The following DOCK1 variants were observed in gnomAD, a reference collection of about 807,000 sequenced individuals.
The protein encoded by DOCK1 is dedicator of cytokinesis 1.
In DOCK1, 138 loss-of-function variants were observed where a neutral mutation model predicts 262.7. The observed-to-expected ratio is 0.53, with a 90% CI of 0.46 to 0.61. The LOEUF is 0.61. Ranked by LOEUF, DOCK1 falls within the 20% of genes least tolerant of loss-of-function variation. The pLI is 0.00. For synonymous variants in DOCK1, 866 were observed against 867.4 expected, an observed-to-expected ratio of 1.00 and a Z score of 0.03; for missense variants, 1,908 against 2,370.7, an observed-to-expected ratio of 0.80 and a Z score of 4.05.
chr10:127,240,774 A>G (rs1042817960), intron 27 of DOCK1, among the ~76,000 whole-genome samples: 1 of 152,198 alleles, frequency 6.6e-6, no homozygotes, highest in Non-Finnish European at 1.5e-5. Context: ...ATGAAAACAC[A>G]TGTGTGAGAA....
intron 23 of DOCK1, among the ~76,000 whole-genome samples, chr10:127,085,022 A>G (rs2047114691): frequency 6.6e-6 from 1 of 152,158 alleles, no homozygotes; most frequent in East Asian, 1.9e-4. Context: ...GTTTTAGCCC[A>G]TTGTCTTCCC....
Position 126,999,606 on chromosome 10 carries a change from T to C in DOCK1, c.849+171T>C, listed in dbSNP as rs112242540. Among the ~76,000 whole-genome samples the C allele has an allele frequency of 2.4e-3, 370 of 152,340 alleles. 1 individual carries two copies. The highest frequency in any genetic ancestry group is 8.6e-3 in the African/African-American group (359 of 41,588). On this transcript the variant is annotated intron_variant, in intron 9 of 51. Transcript: ENST00000623213. ...CATTTCCAGAAATCATCTGAGTCTC[T>C]AGCCACCCTTAGAATCACCGTGACA...
At chr10:127,407,054 A>G (rs946453903) in intron 40 of DOCK1, among the ~76,000 whole-genome samples, 6 of 151,898 alleles carry the variant, frequency 4.0e-5, no homozygotes, top group African/African-American at 1.5e-4. Context: ...GGAGAAATAG[A>G]GCATTTTTCT....
At chr10:126,918,046 A>G (rs1187425524) in intron 1 of DOCK1, among the ~76,000 whole-genome samples, 1 of 152,156 alleles carries the variant, frequency 6.6e-6, no homozygotes, top group East Asian at 1.9e-4. Flanking sequence ...CTGCCTGCAA[A>G]GTGACCTGCC....
At chr10:127,301,173 C>T (rs1286286407) in intron 29 of DOCK1, among the ~76,000 whole-genome samples, 2 of 152,122 alleles carry the variant, frequency 1.3e-5, no homozygotes, top group African/African-American at 4.8e-5. Context: ...GGGCAGGCAT[C>T]GAGTCTCAGT....
chr10:127,209,896 G>T (rs552096496), intron 27 of DOCK1, among the ~76,000 whole-genome samples: 35 of 152,244 alleles, frequency 2.3e-4, no homozygotes, highest in African/African-American at 7.9e-4. Context: ...GAGACATTCC[G>T]TTGAGAGCCT....
chr10:126,963,497 A>T lies in DOCK1; in HGVS notation c.47-7205A>T, dbSNP rs1302781260. Among the ~76,000 whole-genome samples, 3 of 152,084 alleles carry T rather than the reference A, an allele frequency of 2.0e-5. No homozygotes were observed. In the East Asian group the frequency reaches 5.8e-4, roughly 30 times the overall value. ...AGACAATACTTTTAATAACACCATT[A>T]TAACCAGGCTCTAAGAAACTTCCTT... On this transcript the variant is annotated intron_variant, in intron 1 of 51. Transcript: ENST00000623213.
chr10:126,951,969 A>C (rs1354238753), intron 1 of DOCK1, among the ~76,000 whole-genome samples: 1 of 150,230 alleles, frequency 6.7e-6, no homozygotes, highest in African/African-American at 2.5e-5. Flanking sequence ...CCTGCCTCGG[A>C]CTCCTGAGTA....
intron 43 of DOCK1, among the ~76,000 whole-genome samples, chr10:127,414,350 A>G (rs1460013424): frequency 6.6e-6 from 1 of 152,212 alleles, no homozygotes; most frequent in African/African-American, 2.4e-5. Context: ...GACAGTACGA[A>G]CGAGGCAGTA....
At chr10:127,285,440 A>G (rs2135316879) in intron 29 of DOCK1, among the ~76,000 whole-genome samples, 1 of 152,346 alleles carries the variant, frequency 6.6e-6, no homozygotes, top group Middle Eastern at 3.4e-3. Context: ...TCCTCCATAA[A>G]TGGCCATCGC....
chr10:126,955,806 C>CCA (rs1351046956), intron 1 of DOCK1, among the ~76,000 whole-genome samples: 1 of 152,072 alleles, frequency 6.6e-6, no homozygotes, highest in African/African-American at 2.4e-5. Context: ...GGGCGGCTTA[C>CCA]CACACACTTT....
At chr10:127,025,449 C>T (rs908576394) in intron 15 of DOCK1, among the ~76,000 whole-genome samples, 19 of 152,088 alleles carry the variant, frequency 1.2e-4, no homozygotes, top group African/African-American at 4.3e-4. Context: ...AGAAAAACGG[C>T]AACTTTTCTT....
intron 25 of DOCK1, 36 bp from the exon 26 acceptor site, chr10:127,125,438 G>A (rs1199465401): frequency 1.2e-6 from 2 of 1,609,346 alleles, no homozygotes; most frequent in African/African-American, 2.7e-5. Context: ...GTCTTGGTGG[G>A]TTTCACACTG....
chr10:127,096,096 G>A (rs2047894622), intron 23 of DOCK1, among the ~76,000 whole-genome samples: 1 of 152,190 alleles, frequency 6.6e-6, no homozygotes, highest in South Asian at 2.1e-4. Context: ...TACATAAGAT[G>A]TAGGCAGTCC....
At chr10:127,306,458 C>G (rs1233216563) in intron 29 of DOCK1, among the ~76,000 whole-genome samples, 1 of 152,160 alleles carries the variant, frequency 6.6e-6, no homozygotes, top group African/African-American at 2.4e-5. Flanking sequence ...GTGCTGTGGC[C>G]ATGCCCTTGG....
chr10:126,989,074 A>G (rs1290697156), intron 5 of DOCK1, among the ~76,000 whole-genome samples: 2 of 148,366 alleles, frequency 1.3e-5, no homozygotes, highest in African/African-American at 5.0e-5. Flanking sequence ...CCCCTTCTCA[A>G]AAAAAAAAAA....
intron 28 of DOCK1, among the ~76,000 whole-genome samples, 174 bp from the exon 29 acceptor site, chr10:127,257,161 G>T (rs2059855308): frequency 6.6e-6 from 1 of 152,174 alleles, no homozygotes; most frequent in Non-Finnish European, 1.5e-5. Context: ...AGGTGCTCAG[G>T]TAAACAGAAA....
chr10:127,082,220 CCTT>C (rs1444523274), intron 23 of DOCK1, among the ~76,000 whole-genome samples: 3 of 152,174 alleles, frequency 2.0e-5, no homozygotes, highest in African/African-American at 4.8e-5. Flanking sequence ...GTCATCTTCT[CCTT>C]CTTATGTAAG....
chr10:127,313,351 C>T (rs1049533079), intron 29 of DOCK1, among the ~76,000 whole-genome samples: 9 of 152,098 alleles, frequency 5.9e-5, no homozygotes, highest in Admixed American at 1.3e-4. Flanking sequence ...CATGCAATGA[C>T]GGAATGGAAG....
Sources: gnomAD v4.1 joint callset for allele counts (sites outside exome capture counted in the v4.1 genomes callset) on GRCh38, gnomAD v4.1.1 for gene constraint, MANE v1.5 for transcripts, NCBI Gene and HGNC (gene_info 2026-07-23, HGNC 2026-07-21) for gene names.